MTRF1: variants seen among roughly 807,000 people sequenced by gnomAD.
MTRF1 encodes peptide chain release factor 1, mitochondrial.
MTRF1 carries 51 observed loss-of-function variants against 62.9 expected under a neutral mutation model. The ratio of observed to expected loss-of-function variants is 0.81; its 90% CI spans 0.65 to 1.02. MTRF1 has a LOEUF of 1.02. Ranked by LOEUF, MTRF1 falls within the 50% of genes least tolerant of loss-of-function variation. The pLI is 0.00. For synonymous variants in MTRF1, 158 were observed against 181.9 expected (o/e 0.87, Z 1.06); for missense variants, 446 against 530.0 (o/e 0.84, Z 1.56).
chr13:41,224,109 A>C (rs780363832), intron 8 of MTRF1, among the ~76,000 whole-genome samples: 9 of 152,180 alleles, frequency 5.9e-5, no homozygotes, highest in Non-Finnish European at 8.8e-5. Flanking sequence ...GCCACTAATA[A>C]TACTATGTCA....
chr13:41,258,272 C>T (rs2039984032), intron 2 of MTRF1, among the ~76,000 whole-genome samples: 1 of 152,052 alleles, frequency 6.6e-6, no homozygotes, highest in Admixed American at 6.6e-5. Context: ...CATAATACTG[C>T]TAAGGCTAAA....
the MTRF1 span, among the ~76,000 whole-genome samples, chr13:41,273,277 G>C: frequency 1.3e-5 from 2 of 150,592 alleles, no homozygotes; most frequent in Admixed American, 1.3e-4. Context: ...AGTGAGCCGA[G>C]ATCGCGCCAC....
chr13:41,218,964 C>T (rs562451160), intron 9 of MTRF1, among the ~76,000 whole-genome samples: 92 of 152,278 alleles, frequency 6.0e-4, no homozygotes, highest in Non-Finnish European at 1.1e-3. Context: ...AGGTTTATAT[C>T]ACTTTGAGCA....
chr13:41,220,956 C>T (rs1391929934), intron 9 of MTRF1, among the ~76,000 whole-genome samples: 1 of 152,136 alleles, frequency 6.6e-6, no homozygotes, highest in Non-Finnish European at 1.5e-5. Context: ...TGTAAGAATG[C>T]AGCAGCTCTG....
rs528667809 is a variant in MTRF1, at chr13:41,231,915, A to G, written c.988+1975T>C. Among the ~76,000 whole-genome samples, 55 of 149,982 alleles carry G rather than the reference A, an allele frequency of 3.7e-4. 1 individual carries two copies. The highest frequency in any genetic ancestry group is 1.2e-3 in the African/African-American group (50 of 40,882). ...AAAAAAAAGCAAAAATTAGCCAGGCATGGTGGCAAGCGCCTATAGTTCCAG... is the reference window on the plus strand; with the variant it reads ...AAAAAAAAGCAAAAATTAGCCAGGCGTGGTGGCAAGCGCCTATAGTTCCAG... On this transcript the variant is annotated intron_variant, in intron 7 of 9. Transcript: ENST00000379480.
chr13:41,273,286 A>T, the MTRF1 span, among the ~76,000 whole-genome samples: 1 of 151,282 alleles, frequency 6.6e-6, no homozygotes, highest in Non-Finnish European at 1.5e-5. Context: ...AGATCGCGCC[A>T]CTGCACTCCA....
chr13:41,221,322 A>G (rs1178325234), intron 9 of MTRF1, among the ~76,000 whole-genome samples: 1 of 151,530 alleles, frequency 6.6e-6, no homozygotes, highest in Admixed American at 6.6e-5. Context: ...ATGCCCGGCT[A>G]ATTTTTTTTT....
intron 5 of MTRF1, among the ~76,000 whole-genome samples, chr13:41,251,380 T>C (rs1417899844): frequency 6.6e-6 from 1 of 152,200 alleles, no homozygotes; most frequent in African/African-American, 2.4e-5. Flanking sequence ...ATATTCTTAT[T>C]AATGCAATTT....
chr13:41,231,916 T>C (rs1223056568), intron 7 of MTRF1, among the ~76,000 whole-genome samples: 1 of 145,386 alleles, frequency 6.9e-6, no homozygotes, highest in Non-Finnish European at 1.5e-5. Context: ...TAGCCAGGCA[T>C]GGTGGCAAGC....
the MTRF1 span, among the ~76,000 whole-genome samples, chr13:41,306,226 CAA>C: frequency 6.6e-6 from 1 of 151,348 alleles, no homozygotes; most frequent in Non-Finnish European, 1.5e-5. Flanking sequence ...ACTAAAAATA[CAA>C]AAAAAATTAG....
At chr13:41,249,777 C>G (rs890602880) in intron 5 of MTRF1, among the ~76,000 whole-genome samples, 11 of 151,400 alleles carry the variant, frequency 7.3e-5, no homozygotes, top group Non-Finnish European at 1.5e-4. Context: ...CAAGTACGCA[C>G]TGCCACGCCT....
At chr13:41,290,735 T>C in the MTRF1 span, among the ~76,000 whole-genome samples, 1 of 151,920 alleles carries the variant, frequency 6.6e-6, no homozygotes, top group East Asian at 1.9e-4. Context: ...TATTTGAATC[T>C]AGTTATAATG....
intron 2 of MTRF1, among the ~76,000 whole-genome samples, chr13:41,255,623 T>C (rs1045609353): frequency 2.0e-5 from 3 of 151,870 alleles, no homozygotes; most frequent in Non-Finnish European, 2.9e-5. Context: ...ACCCAGGAGG[T>C]AGAGGTTGCG....
upstream of MTRF1, among the ~76,000 whole-genome samples, chr13:41,265,530 C>CCCT (rs1056473381): frequency 7.2e-5 from 11 of 152,202 alleles, no homozygotes; most frequent in African/African-American, 2.6e-4. Context: ...AAGCCCTAAC[C>CCCT]CCTCCAATAC....
At chr13:41,233,171 G>C (rs2035889354) in intron 7 of MTRF1, among the ~76,000 whole-genome samples, 1 of 152,024 alleles carries the variant, frequency 6.6e-6, no homozygotes, top group Non-Finnish European at 1.5e-5. Context: ...GAAATACTGA[G>C]GTAATTACCA....
chr13:41,310,562 C>T, the MTRF1 span, among the ~76,000 whole-genome samples: 1 of 151,962 alleles, frequency 6.6e-6, no homozygotes, highest in Non-Finnish European at 1.5e-5. Flanking sequence ...CCCAGCCACT[C>T]GGGAGGCTGA....
chr13:41,251,676 T>G (rs1020551366), intron 5 of MTRF1, among the ~76,000 whole-genome samples: 7 of 152,176 alleles, frequency 4.6e-5, no homozygotes, highest in African/African-American at 1.7e-4. Flanking sequence ...CTGCTCAACT[T>G]ACATGAATCC....
intron 5 of MTRF1, among the ~76,000 whole-genome samples, chr13:41,244,408 T>A (rs1375383957): frequency 6.6e-6 from 1 of 152,220 alleles, no homozygotes; most frequent in African/African-American, 2.4e-5. Flanking sequence ...TCTAGCTGGG[T>A]ATTTTCAGAT....
At chr13:41,249,182 G>A (rs1185743523) in intron 5 of MTRF1, among the ~76,000 whole-genome samples, 1 of 151,976 alleles carries the variant, frequency 6.6e-6, no homozygotes, top group African/African-American at 2.4e-5. Context: ...TATATTATAA[G>A]GTAGGTGCTT....
Sources: gnomAD v4.1 joint callset for allele counts (sites outside exome capture counted in the v4.1 genomes callset) on GRCh38, gnomAD v4.1.1 for gene constraint, MANE v1.5 for transcripts, NCBI Gene and HGNC (gene_info 2026-07-23, HGNC 2026-07-21) for gene names.